CUX1: variants seen among roughly 807,000 people sequenced by gnomAD.
The protein encoded by CUX1 is cut like homeobox 1.
In CUX1, 31 loss-of-function variants were observed where a neutral mutation model predicts 158.8. The ratio of observed to expected loss-of-function variants is 0.20; its 90% CI spans 0.15 to 0.26. CUX1 has a LOEUF of 0.26. Among genes scored for constraint, CUX1 ranks in the 10% least tolerant of loss-of-function variants. CUX1 has a pLI of 1.00. For missense variants in CUX1, 1,589 were observed against 2,014.6 expected (o/e 0.79, Z 4.04); for synonymous variants, 879 against 862.1 (o/e 1.02, Z -0.34).
chr7:101,816,603 C>T (rs1003511900), upstream of CUX1, among the ~76,000 whole-genome samples: 1 of 144,092 alleles, frequency 6.9e-6, no homozygotes, highest in African/African-American at 2.5e-5. Flanking sequence ...GCCCCCGGCC[C>T]GCCGTATTCC....
At chr7:101,827,355 G>C (rs996142448) in intron 1 of CUX1, among the ~76,000 whole-genome samples, 1 of 151,218 alleles carries the variant, frequency 6.6e-6, no homozygotes, top group African/African-American at 2.4e-5. Context: ...ACCCAGGTTA[G>C]AGTGCAGTGA....
intron 13 of CUX1, 64 bp downstream of exon 13, chr7:102,193,954 T>A (rs1794537778): frequency 3.4e-6 from 5 of 1,472,656 alleles, no homozygotes; most frequent in Non-Finnish European, 4.7e-6. Flanking sequence ...CACTGGTCCC[T>A]CCGGCATATC....
rs1554487334 is a variant in CUX1 at position 102,103,674 on chromosome 7, A to G, written c.407-662A>G. Among the ~76,000 whole-genome samples the G allele has an allele frequency of 4.6e-5, 7 of 151,136 alleles. No individual in the cohort carries two copies. The South Asian group carries it at 1.5e-3, about 32-fold the overall frequency. ...GGTGTCAAACTGCTGGGCTCAAGGGATCCTCTCACGTTGGCCTCCTAAAGT... is the reference window on the plus strand; with the variant it reads ...GGTGTCAAACTGCTGGGCTCAAGGGGTCCTCTCACGTTGGCCTCCTAAAGT... On this transcript the variant is annotated intron_variant, in intron 5 of 23. Transcript: ENST00000292535.
chr7:102,278,628 T>TTAAAA (rs55743678), intron 18 of CUX1, among the ~76,000 whole-genome samples: 8 of 101,682 alleles, frequency 7.9e-5, no homozygotes, highest in South Asian at 2.8e-4. Context: ...TAAAATAAAA[T>TTAAAA]TAAAATAAAA....
chr7:101,984,089 A>AAAAAATATATATATATAT (rs1221503978), intron 2 of CUX1, among the ~76,000 whole-genome samples: 1 of 29,842 alleles, frequency 3.4e-5, no homozygotes, highest in Non-Finnish European at 7.0e-5. Context: ...AAAAAAAAAA[A>AAAAAATATATATATATAT]ATATATATAT....
chr7:102,060,911 CTTTT>C lies in CUX1; in HGVS notation c.190-9409_190-9406del, dbSNP rs1039443388. Reference sequence around the variant, plus strand: ...ACAGGTGTGAACCACCGCGCCTGGCCTTTTTTTTTTTTTTTTTTTTTTGGAGACA... The same window carrying C: ...ACAGGTGTGAACCACCGCGCCTGGCCTTTTTTTTTTTTTTTTTTGGAGACA... On this transcript the variant is annotated intron_variant, in intron 3 of 23. Coordinates refer to ENST00000292535, the MANE Select transcript of CUX1 (RefSeq NM_181552.4). 2.8e-4 allele frequency among the ~76,000 whole-genome samples: 22 copies of C among 79,462 alleles called. No individual in the cohort carries two copies. In the South Asian group the frequency reaches 2.9e-3, roughly 10 times the overall value. 52.1% of individuals were successfully genotyped at this position (79,462 alleles called of 152,430 possible).
intron 2 of CUX1, among the ~76,000 whole-genome samples, chr7:101,948,799 C>A (rs918239873): frequency 6.6e-6 from 1 of 152,176 alleles, no homozygotes; most frequent in South Asian, 2.1e-4. Flanking sequence ...CTGCCTGAGT[C>A]CCTGAGCTTG....
intron 8 of CUX1, among the ~76,000 whole-genome samples, chr7:102,137,098 T>TTTCA (rs1833986093): frequency 6.6e-6 from 1 of 152,206 alleles, no homozygotes; most frequent in Non-Finnish European, 1.5e-5. Context: ...GATCCTCTTC[T>TTTCA]TTCATTCCTG....
intron 3 of CUX1, among the ~76,000 whole-genome samples, chr7:102,064,917 A>T (rs1825371986): frequency 1.3e-5 from 2 of 152,118 alleles, no homozygotes; most frequent in African/African-American, 4.8e-5. Context: ...TGCAGCATAG[A>T]TAGGTTTTGA....
chr7:102,015,347 C>A (rs1001347071), intron 2 of CUX1, among the ~76,000 whole-genome samples: 1 of 152,068 alleles, frequency 6.6e-6, no homozygotes, highest in Non-Finnish European at 1.5e-5. Context: ...CCTGCCTCAG[C>A]CTCCCAAGTA....
intron 12 of CUX1, 59 bp from the exon 13 acceptor site, chr7:102,193,783 C>G (rs1173899606): frequency 2.2e-5 from 34 of 1,556,096 alleles, no homozygotes; most frequent in Non-Finnish European, 2.9e-5. Context: ...GCCTGGGTGA[C>G]AGAACGAGAC....
chr7:102,165,887 C>T (rs140623288), intron 9 of CUX1, among the ~76,000 whole-genome samples: 57 of 152,270 alleles, frequency 3.7e-4, no homozygotes, highest in East Asian at 1.9e-3. Flanking sequence ...CTGGGTCTCA[C>T]GGTGGAAACC....
chr7:102,087,251 T>C (rs766685296), intron 4 of CUX1, among the ~76,000 whole-genome samples: 24 of 152,202 alleles, frequency 1.6e-4, no homozygotes, highest in Non-Finnish European at 2.8e-4. Flanking sequence ...AATTATCTTA[T>C]TAGCTATAAC....
chr7:102,117,432 G>T (rs546111266), intron 8 of CUX1, among the ~76,000 whole-genome samples: 20 of 135,504 alleles, frequency 1.5e-4, no homozygotes, highest in Middle Eastern at 0.011. Context: ...TCAATATTGG[G>T]CCTATTTGCA....
intron 20 of CUX1, among the ~76,000 whole-genome samples, chr7:102,213,543 AAGGCCCGAC>A (rs1796757171): frequency 6.6e-6 from 1 of 152,196 alleles, no homozygotes; most frequent in African/African-American, 2.4e-5. Flanking sequence ...CCCTTCTGAA[AAGGCCCGAC>A]AGGCCCAGTC....
chr7:101,982,470 A>T (rs979942676), intron 2 of CUX1, among the ~76,000 whole-genome samples: 1 of 151,170 alleles, frequency 6.6e-6, no homozygotes, highest in African/African-American at 2.4e-5. Flanking sequence ...TCTGTCGCCC[A>T]GGCTGGAGTA....
chr7:101,961,070 G>T (rs1352405300), intron 2 of CUX1: 1 of 152,206 alleles, frequency 6.6e-6, no homozygotes, highest in Non-Finnish European at 1.5e-5. Flanking sequence ...AGTTTGGGGA[G>T]GAATGAAATT....
At chr7:101,881,995 T>C (rs1348035168) in intron 1 of CUX1, among the ~76,000 whole-genome samples, 6 of 142,414 alleles carry the variant, frequency 4.2e-5, no homozygotes, top group Non-Finnish European at 6.0e-5. Flanking sequence ...CTTGGCAACA[T>C]AGTGAGACCT....
rs782463666 is a variant in CUX1 at position 102,282,754 on chromosome 7, T to C, written c.1945T>C (p.Cys649Arg). The stretch of plus-strand genomic sequence containing the variant: ...ATGGAGCGAGAGCATGGAGAGGGAC[T>C]GTGCCACCTTCTGCGCCAAGAAGTG... Residue 649 changes from cysteine (C) to arginine (R), a missense_variant, in exon 22 of 23, where the codon TGT becomes CGT. Cys to Arg is a radical substitution (Grantham distance 180). Coordinates refer to the CUX1 transcript ENST00000292538. 246 of 1,613,436 alleles carry C rather than the reference T, an allele frequency of 1.5e-4. 1 individual carries two copies. Among genetic ancestry groups the C allele is most frequent in the Non-Finnish European group, 1.9e-4 (227 of 1,179,842 alleles).
Sources: gnomAD v4.1 joint callset for allele counts (sites outside exome capture counted in the v4.1 genomes callset) on GRCh38, gnomAD v4.1.1 for gene constraint, MANE v1.5 for transcripts, NCBI Gene and HGNC (gene_info 2026-07-23, HGNC 2026-07-21) for gene names.